LNPEP: variants seen among roughly 807,000 people sequenced by gnomAD.
The protein encoded by LNPEP is leucyl-cystinyl aminopeptidase.
A neutral mutation model predicts 120.6 loss-of-function variants in LNPEP; 64 were observed. That is an observed-to-expected ratio of 0.53 (90% CI 0.43 to 0.65). The LOEUF is 0.65. Ranked by LOEUF, LNPEP falls within the 30% of genes least tolerant of loss-of-function variation. The pLI is 0.00. For synonymous variants in LNPEP, 435 were observed against 425.4 expected, an observed-to-expected ratio of 1.02 and a Z score of -0.28; for missense variants, 1,057 against 1,200.0, an observed-to-expected ratio of 0.88 and a Z score of 1.76.
chr5:96,940,328 T>C (rs1789022274), intron 1 of LNPEP, among the ~76,000 whole-genome samples: 1 of 152,104 alleles, frequency 6.6e-6, no homozygotes, highest in Non-Finnish European at 1.5e-5. Context: ...GAGAGATTGG[T>C]TATAAGGAAA....
At chr5:96,988,609 C>A (rs1790299967) in intron 4 of LNPEP, among the ~76,000 whole-genome samples, 1 of 151,394 alleles carries the variant, frequency 6.6e-6, no homozygotes, top group South Asian at 2.1e-4. Flanking sequence ...GTGCTGGGAT[C>A]TTTTTTAAAA....
chr5:96,989,321 AATATATAATT>A (rs1361232125), intron 4 of LNPEP, among the ~76,000 whole-genome samples: 1 of 21,328 alleles, frequency 4.7e-5, no homozygotes, highest in African/African-American at 1.8e-4. Flanking sequence ...TATTATATAT[AATATATAATT>A]ATATATAATA....
At chr5:96,964,112 CTTT>C (rs576740543) in intron 1 of LNPEP, among the ~76,000 whole-genome samples, 1 of 143,842 alleles carries the variant, frequency 7.0e-6, no homozygotes, top group Non-Finnish European at 1.5e-5. Flanking sequence ...TTGATATCAA[CTTT>C]TTTTTTTTTT....
Position 96,956,434 on chromosome 5 carries a change from C to T in LNPEP, c.19+20260C>T, listed in dbSNP as rs561936178. ...TCCAGAGGCTGAGGCAGGAGAATCA[C>T]TTGAGCCCTGGAGGCGGAGGTTGCA... On this transcript the variant is annotated intron_variant, in intron 1 of 17. Coordinates refer to ENST00000231368, the MANE Select transcript of LNPEP (RefSeq NM_005575.3). Among the ~76,000 whole-genome samples, 50 of 152,348 alleles carry T rather than the reference C, an allele frequency of 3.3e-4. 2 individuals carry two copies. The East Asian group carries it at 8.1e-3, about 25-fold the overall frequency.
intron 1 of LNPEP, among the ~76,000 whole-genome samples, chr5:96,940,873 C>T (rs934740572): frequency 2.6e-5 from 4 of 152,080 alleles, no homozygotes; most frequent in Non-Finnish European, 5.9e-5. Flanking sequence ...CCAAACTTTT[C>T]GGGACCAGGG....
intron 1 of LNPEP, among the ~76,000 whole-genome samples, chr5:96,951,272 C>T (rs1265877807): frequency 7.1e-6 from 1 of 139,942 alleles, no homozygotes; most frequent in Non-Finnish European, 1.6e-5. Context: ...TGGCGGGGGG[C>T]GCGGGGGACA....
chr5:97,012,410 A>G (rs561923921), intron 11 of LNPEP, among the ~76,000 whole-genome samples: 16 of 152,306 alleles, frequency 1.1e-4, no homozygotes, highest in African/African-American at 3.4e-4. Context: ...AAAAGGGGGT[A>G]AAAATTATAT....
chr5:96,979,037 A>G (rs939415097), intron 1 of LNPEP, 101 bp from the exon 2 acceptor site: 38 of 1,363,792 alleles, frequency 2.8e-5, no homozygotes, highest in Non-Finnish European at 3.5e-5. Context: ...ACTTAAAAAA[A>G]TTCTTAGTTT....
intron 1 of LNPEP, chr5:96,936,375 G>T: frequency 2.4e-6 from 1 of 417,810 alleles, no homozygotes; most frequent in African/African-American, 2.1e-5. Flanking sequence ...GGGACCCGGG[G>T]CTGGCTTGAA....
chr5:96,949,700 C>T lies in LNPEP; in HGVS notation c.19+13526C>T, dbSNP rs971080804. On this transcript the variant is annotated intron_variant, in intron 1 of 17. Coordinates refer to ENST00000231368, the MANE Select transcript of LNPEP (RefSeq NM_005575.3). ...TACAAATAGGTTCTATTTGTTCAGC[C>T]GAAAAACATTAATTACATATAGCAG... Among the ~76,000 whole-genome samples, 33 of 152,118 alleles carry T rather than the reference C, an allele frequency of 2.2e-4. 1 individual carries two copies. The highest frequency in any genetic ancestry group is 2.0e-3 in the Admixed American group (31 of 15,272).
intron 1 of LNPEP, among the ~76,000 whole-genome samples, chr5:96,969,372 G>A (rs1252544721): frequency 1.3e-5 from 2 of 151,860 alleles, no homozygotes; most frequent in Non-Finnish European, 2.9e-5. Context: ...TACTTGAAAG[G>A]AGAGGGAGAA....
chr5:97,001,770 G>A (rs1405390661), intron 8 of LNPEP, among the ~76,000 whole-genome samples: 2 of 152,132 alleles, frequency 1.3e-5, no homozygotes, highest in Non-Finnish European at 2.9e-5. Context: ...TATATCAAAT[G>A]CTATCAATAG....
chr5:96,986,738 G>C, intron 4 of LNPEP, 68 bp downstream of exon 4: 1 of 1,401,606 alleles, frequency 7.1e-7, no homozygotes, highest in South Asian at 1.3e-5. Flanking sequence ...TTGCTTTAAC[G>C]ATTCCTGGTA....
intron 1 of LNPEP, among the ~76,000 whole-genome samples, chr5:96,959,049 C>G (rs557557435): frequency 6.6e-6 from 1 of 152,186 alleles, no homozygotes; most frequent in East Asian, 1.9e-4. Flanking sequence ...TGGTCTTGAT[C>G]TCTTGACTTC....
rs768104662 is a variant in LNPEP, at chr5:96,990,915, CT to C, written c.1132-2097del. ...CTTAGAAATTGTTGACAGTTTTTTGCTTTATTTTAAGAGGTTTTTGGGGAAC... is the reference window on the plus strand; with the variant it reads ...CTTAGAAATTGTTGACAGTTTTTTGCTTATTTTAAGAGGTTTTTGGGGAAC... On this transcript the variant is annotated intron_variant, in intron 4 of 17. Coordinates refer to ENST00000231368, the MANE Select transcript of LNPEP (RefSeq NM_005575.3). Among the ~76,000 whole-genome samples, 35 of 151,970 alleles carry C rather than the reference CT, an allele frequency of 2.3e-4. 1 individual carries two copies. Among genetic ancestry groups the C allele is most frequent in the Admixed American group, 1.9e-3 (29 of 15,256 alleles).
intron 1 of LNPEP, among the ~76,000 whole-genome samples, chr5:96,968,727 A>G (rs1018942323): frequency 2.0e-5 from 3 of 152,084 alleles, no homozygotes; most frequent in African/African-American, 7.2e-5. Context: ...AGAGGGAGAA[A>G]AAAAGCCTAT....
At chr5:96,994,014 C>G in intron 6 of LNPEP, 43 bp downstream of exon 6, 1 of 1,553,776 alleles carries the variant, frequency 6.4e-7, no homozygotes, top group Non-Finnish European at 8.8e-7. Context: ...CTGTGGTCTA[C>G]TTCATGTCCT....
At position 97,036,442 on chromosome 5, in the gene LNPEP, T is replaced by C. The variant is rs1791574446; in HGVS notation, c.*7909T>C. ...AGCCATTGCTGCCTCATTAGCCTTG[T>C]ATTTTGTGTGCATATCATGTATCCA... is the stretch of plus-strand genomic sequence containing the variant. On this transcript the variant is annotated 3_prime_UTR_variant, in exon 18 of 18. Coordinates refer to ENST00000231368, the MANE Select transcript of LNPEP (RefSeq NM_005575.3). 1 of 152,204 alleles carries C rather than the reference T, an allele frequency of 6.6e-6. No homozygotes were observed. Among genetic ancestry groups the C allele is most frequent in the South Asian group, 2.1e-4 (1 of 4,834 alleles). The allele number at this position is 152,204 out of a possible 1,614,324, so 9.4% of individuals were successfully genotyped here. A position where few individuals can be genotyped will look rare whatever the true frequency, so the allele number is the denominator to read the frequency against.
At chr5:96,997,815 G>C (rs1790552227) in intron 7 of LNPEP, among the ~76,000 whole-genome samples, 199 bp from the exon 8 acceptor site, 1 of 151,994 alleles carries the variant, frequency 6.6e-6, no homozygotes, top group African/African-American at 2.4e-5. Context: ...GGTTATAATT[G>C]TATCTTTAAA....
Sources: gnomAD v4.1 joint callset for allele counts (sites outside exome capture counted in the v4.1 genomes callset) on GRCh38, gnomAD v4.1.1 for gene constraint, MANE v1.5 for transcripts, NCBI Gene and HGNC (gene_info 2026-07-23, HGNC 2026-07-21) for gene names.